Variants in PPFIA2 observed in about 807,000 individuals in gnomAD.
PPFIA2 encodes the protein liprin-alpha-2.
Under a neutral mutation model 175.5 loss-of-function variants are expected in PPFIA2, and 46 were observed. The ratio of observed to expected loss-of-function variants is 0.26; its 90% CI spans 0.21 to 0.34. PPFIA2 has a LOEUF of 0.34. Ranked by LOEUF, PPFIA2 falls within the 10% of genes least tolerant of loss-of-function variation. The pLI, the probability that PPFIA2 is intolerant of heterozygous loss-of-function variation, is 1.00. For missense variants in PPFIA2, 1,179 were observed against 1,506.1 expected, an observed-to-expected ratio of 0.78 and a Z score of 3.60; for synonymous variants, 568 against 511.4, an observed-to-expected ratio of 1.11 and a Z score of -1.49.
At chr12:81,650,096 G>A (rs1009963009) in intron 4 of PPFIA2, among the ~76,000 whole-genome samples, 2 of 151,510 alleles carry the variant, frequency 1.3e-5, no homozygotes, top group Non-Finnish European at 2.9e-5. Flanking sequence ...TGCAAGCTCC[G>A]CCTTCCAGAT....
chr12:81,640,970 G>A (rs990956041), intron 4 of PPFIA2, among the ~76,000 whole-genome samples: 3 of 151,852 alleles, frequency 2.0e-5, no homozygotes, highest in Admixed American at 6.6e-5. Flanking sequence ...AAATGAAATC[G>A]ATTCTTTATT....
At chr12:81,731,717 A>G (rs1420567030) in intron 3 of PPFIA2, among the ~76,000 whole-genome samples, 1 of 151,688 alleles carries the variant, frequency 6.6e-6, no homozygotes, top group Non-Finnish European at 1.5e-5. Context: ...TCTGCCATAT[A>G]CTATCTTTGC....
chr12:81,741,244 T>C (rs1391783143), intron 3 of PPFIA2, among the ~76,000 whole-genome samples: 1 of 152,208 alleles, frequency 6.6e-6, no homozygotes, highest in Non-Finnish European at 1.5e-5. Context: ...GCTGGTCTCA[T>C]ACATAATGAC....
chr12:81,709,614 T>C (rs1373343474), intron 3 of PPFIA2, among the ~76,000 whole-genome samples: 1 of 152,008 alleles, frequency 6.6e-6, no homozygotes, highest in Non-Finnish European at 1.5e-5. Flanking sequence ...GCTAGCAAGG[T>C]TTTTTCTATT....
chr12:81,470,586 G>C (rs934790316), intron 4 of PPFIA2, among the ~76,000 whole-genome samples: 1 of 152,130 alleles, frequency 6.6e-6, no homozygotes, highest in African/African-American at 2.4e-5. Flanking sequence ...CAAGAAAATT[G>C]AAAACATATG....
chr12:81,488,691 C>T (rs1036416777), intron 4 of PPFIA2, among the ~76,000 whole-genome samples: 2 of 151,806 alleles, frequency 1.3e-5, no homozygotes, highest in African/African-American at 2.4e-5. Context: ...GTCACATCCC[C>T]TATTCTAGGA....
chr12:81,495,921 CATATT>C (rs796572480), intron 4 of PPFIA2, among the ~76,000 whole-genome samples: 2 of 152,210 alleles, frequency 1.3e-5, no homozygotes, highest in African/African-American at 4.8e-5. Context: ...GTTAAAAACA[CATATT>C]ATAAAGTTTA....
intron 15 of PPFIA2, among the ~76,000 whole-genome samples, chr12:81,359,161 T>C (rs1250601033): frequency 6.6e-6 from 1 of 152,062 alleles, no homozygotes; most frequent in African/African-American, 2.4e-5. Context: ...GTTAGTTCTA[T>C]TGAATTTGAG....
At chr12:81,569,032 G>T (rs2071940280) in intron 4 of PPFIA2, among the ~76,000 whole-genome samples, 1 of 151,962 alleles carries the variant, frequency 6.6e-6, no homozygotes, top group African/African-American at 2.4e-5. Flanking sequence ...CTTCATAATG[G>T]TATTCAAATA....
At chr12:81,428,636 T>C (rs2047561764) in intron 7 of PPFIA2, among the ~76,000 whole-genome samples, 2 of 152,104 alleles carry the variant, frequency 1.3e-5, no homozygotes, top group Admixed American at 1.3e-4. Flanking sequence ...TAAGAAATCA[T>C]AGGTCTTTGT....
At chr12:81,756,991 A>G (rs1333135022) in intron 2 of PPFIA2, among the ~76,000 whole-genome samples, 1 of 152,114 alleles carries the variant, frequency 6.6e-6, no homozygotes, top group African/African-American at 2.4e-5. Flanking sequence ...TCAAAATTAG[A>G]AAAAAATAGT....
intron 5 of PPFIA2, among the ~76,000 whole-genome samples, chr12:81,456,439 C>G (rs1365373678): frequency 2.0e-5 from 3 of 152,126 alleles, no homozygotes. Context: ...GACATAAATT[C>G]AGTTTGATCA....
intron 22 of PPFIA2, among the ~76,000 whole-genome samples, chr12:81,311,038 T>A (rs2050642688): frequency 6.6e-6 from 1 of 152,178 alleles, no homozygotes; most frequent in African/African-American, 2.4e-5. Flanking sequence ...TTAAAAGCAA[T>A]ACCTTCTTCT....
At chr12:81,436,536 A>G (rs2049079322) in intron 7 of PPFIA2, among the ~76,000 whole-genome samples, 1 of 151,956 alleles carries the variant, frequency 6.6e-6, no homozygotes, top group Non-Finnish European at 1.5e-5. Flanking sequence ...AAAGCTGCTA[A>G]TAGTATGAAT....
rs1376542581 is a variant in PPFIA2, at chr12:81,299,282, C to T, written c.2724+19G>A. On this transcript the variant is annotated intron_variant, in intron 23 of 32. Transcript: ENST00000549396. Reference sequence around the variant, plus strand: ...TTAGTAGTGATTGATTCAAGGGCCTCCTAGTTTCATTCTCTTACCTCTAGC... The same window carrying T: ...TTAGTAGTGATTGATTCAAGGGCCTTCTAGTTTCATTCTCTTACCTCTAGC... 1.3e-6 allele frequency: 2 copies of T among 1,576,108 alleles called. No homozygotes were observed. The highest frequency in any genetic ancestry group is 1.7e-6 in the Non-Finnish European group (2 of 1,159,578).
At chr12:81,572,629 C>A (rs953286382) in intron 4 of PPFIA2, among the ~76,000 whole-genome samples, 1 of 151,906 alleles carries the variant, frequency 6.6e-6, no homozygotes, top group African/African-American at 2.4e-5. Flanking sequence ...TTCTTTTGTG[C>A]AAACTAAATA....
chr12:81,425,182 G>C (rs2163721), intron 7 of PPFIA2, among the ~76,000 whole-genome samples: 1 of 152,014 alleles, frequency 6.6e-6, no homozygotes, highest in Non-Finnish European at 1.5e-5. Context: ...CAATAACCTC[G>C]TAATGTGGGG....
At chr12:81,445,304 A>G (rs1215949616) in intron 6 of PPFIA2, among the ~76,000 whole-genome samples, 2 of 151,804 alleles carry the variant, frequency 1.3e-5, no homozygotes, top group Non-Finnish European at 2.9e-5. Flanking sequence ...GTAGGGTTAT[A>G]ATGTACCATA....
At position 81,344,650 on chromosome 12, in the gene PPFIA2, G is replaced by T. The variant is rs1169644838; in HGVS notation, c.2262+14C>A. ...GTATTCAATTCGTAATGATGTAAAA[G>T]TTATTTACTGTACCTTTCTCCGATG... On this transcript the variant is annotated intron_variant, in intron 19 of 32. Coordinates refer to ENST00000549396, the MANE Select transcript of PPFIA2 (RefSeq NM_003625.5). 1 of 1,540,248 alleles carries T rather than the reference G, an allele frequency of 6.5e-7. No homozygotes were observed.
Sources: gnomAD v4.1 joint callset for allele counts (sites outside exome capture counted in the v4.1 genomes callset) on GRCh38, gnomAD v4.1.1 for gene constraint, MANE v1.5 for transcripts, NCBI Gene and HGNC (gene_info 2026-07-23, HGNC 2026-07-21) for gene names.